Variants in COL23A1 observed in about 807,000 individuals in gnomAD.
The protein encoded by COL23A1 is collagen type XXIII alpha 1 chain.
COL23A1 carries 97 observed loss-of-function variants against 99.3 expected under a neutral mutation model. The observed-to-expected ratio is 0.98, with a 90% CI of 0.83 to 1.16. The LOEUF is 1.16. Ranked by LOEUF, COL23A1 falls within the 50% of genes most tolerant of loss-of-function variation. COL23A1 has a pLI of 0.00. For synonymous variants in COL23A1, 320 were observed against 308.2 expected, an observed-to-expected ratio of 1.04 and a Z score of -0.40; for missense variants, 762 against 757.4, an observed-to-expected ratio of 1.01 and a Z score of -0.07.
At chr5:178,570,112 C>CT (rs11374428) in intron 1 of COL23A1, among the ~76,000 whole-genome samples, 49,281 of 141,948 alleles carry the variant, frequency 0.35, 9,191 homozygotes, top group African/African-American at 0.51. Flanking sequence ...TTTTCTTTTT[C>CT]TTTTTTTTTT....
At chr5:178,359,258 T>C (rs1009006470) in intron 2 of COL23A1, among the ~76,000 whole-genome samples, 5 of 152,238 alleles carry the variant, frequency 3.3e-5, no homozygotes, top group African/African-American at 1.2e-4. Flanking sequence ...GTGCAGTGGC[T>C]CACGCCTGTA....
intron 1 of COL23A1, among the ~76,000 whole-genome samples, chr5:178,586,292 T>C (rs1220858001): frequency 1.3e-5 from 2 of 152,182 alleles, no homozygotes; most frequent in Admixed American, 1.3e-4. Flanking sequence ...TTTGCATACA[T>C]GGGAGCTGTG....
chr5:178,354,681 T>C (rs1761522815), intron 2 of COL23A1, among the ~76,000 whole-genome samples: 1 of 152,166 alleles, frequency 6.6e-6, no homozygotes, highest in Non-Finnish European at 1.5e-5. Context: ...TCCACCATGA[T>C]TGTAAGTTTC....
chr5:178,518,311 C>G (rs529278203), intron 2 of COL23A1, among the ~76,000 whole-genome samples: 2 of 149,414 alleles, frequency 1.3e-5, no homozygotes, highest in Non-Finnish European at 3.0e-5. Context: ...TACACAGACA[C>G]GGCAACCATC....
intron 5 of COL23A1, among the ~76,000 whole-genome samples, chr5:178,283,664 C>T (rs950423418): frequency 1.3e-4 from 20 of 152,072 alleles, no homozygotes; most frequent in Non-Finnish European, 1.8e-4. Context: ...AATCAAACTA[C>T]CAAAGAAGAG....
rs539266475 is a variant in COL23A1, at chr5:178,468,099, C to A, written c.361+92583G>T. On this transcript the variant is annotated intron_variant, in intron 2 of 28. Transcript: ENST00000390654. This position sits in a 1 kb window ranked among gnomAD's most constrained non-coding sequence, Gnocchi z 4.2. ...GTGTTCCTTATGTTGGGAGTGGTTT[C>A]CATAGCTGGAAAAGATGGTGAGAAA... Among the ~76,000 whole-genome samples the A allele has an allele frequency of 2.0e-5, 3 of 152,280 alleles. No homozygotes were observed. In the South Asian group the frequency reaches 6.2e-4, roughly 32 times the overall value.
chr5:178,492,974 G>A (rs1040763062), intron 2 of COL23A1, among the ~76,000 whole-genome samples: 9 of 152,214 alleles, frequency 5.9e-5, no homozygotes, highest in Non-Finnish European at 5.9e-5. Flanking sequence ...TCTAGAAAGT[G>A]CCTGGCCCTT....
chr5:178,367,394 T>C (rs1274075738), intron 2 of COL23A1, among the ~76,000 whole-genome samples: 2 of 152,122 alleles, frequency 1.3e-5, no homozygotes, highest in Non-Finnish European at 2.9e-5. Flanking sequence ...CAAGGTCCCA[T>C]GGAAGGTGGA....
chr5:178,505,981 C>A (rs557588488), intron 2 of COL23A1, among the ~76,000 whole-genome samples: 2,672 of 152,252 alleles, frequency 0.018, 82 homozygotes, highest in African/African-American at 0.061. Context: ...GTAAACCAGC[C>A]CCCCAAGTCC....
At chr5:178,275,694 C>T (rs772727270) in intron 5 of COL23A1, among the ~76,000 whole-genome samples, 8 of 152,200 alleles carry the variant, frequency 5.3e-5, no homozygotes, top group Middle Eastern at 3.4e-3. Flanking sequence ...CCAATCTGAA[C>T]GTAAAAAACT....
intron 12 of COL23A1, among the ~76,000 whole-genome samples, chr5:178,258,284 G>A (rs1477909162): frequency 8.4e-6 from 1 of 118,980 alleles, no homozygotes; most frequent in Admixed American, 9.0e-5. Context: ...TCAATTCTAG[G>A]CACCATGTCA....
intron 21 of COL23A1, 36 bp from the exon 22 acceptor site, chr5:178,247,588 C>T (rs72819017): frequency 0.17 from 269,517 of 1,611,962 alleles, 24,814 homozygotes; most frequent in Non-Finnish European, 0.19. Context: ...AGGCTGGCTC[C>T]GGACCCTCTT....
At chr5:178,510,328 G>A (rs1193469109) in intron 2 of COL23A1, among the ~76,000 whole-genome samples, 2 of 152,152 alleles carry the variant, frequency 1.3e-5, no homozygotes, top group Non-Finnish European at 2.9e-5. Context: ...GATCACTTGA[G>A]GTCAGGAGTT....
rs898196468 is a variant in COL23A1 at position 178,280,460 on chromosome 5, C to T, written c.441+7864G>A. 6.6e-6 allele frequency among the ~76,000 whole-genome samples: 1 copy of T among 152,156 alleles called. No homozygotes were observed. Among genetic ancestry groups the T allele is most frequent in the Non-Finnish European group, 1.5e-5 (1 of 68,022 alleles). On this transcript the variant is annotated intron_variant, in intron 5 of 28. Coordinates refer to ENST00000390654, the MANE Select transcript of COL23A1 (RefSeq NM_173465.4). The surrounding 1 kb of genome is among the most constrained non-coding windows in gnomAD (Gnocchi z 4.9). ...GCCTGAGGCCACATGGACTATAGAC[C>T]CCTGGGCCCATTCTGTCTCCACTGC...
At chr5:178,486,349 T>C (rs1454983741) in intron 2 of COL23A1, among the ~76,000 whole-genome samples, 4 of 152,176 alleles carry the variant, frequency 2.6e-5, no homozygotes, top group Non-Finnish European at 5.9e-5. Context: ...GGCTTAGTAC[T>C]CTTGAGGCAA....
intron 2 of COL23A1, among the ~76,000 whole-genome samples, chr5:178,512,679 T>C (rs1759276139): frequency 6.6e-6 from 1 of 152,186 alleles, no homozygotes; most frequent in Non-Finnish European, 1.5e-5. Flanking sequence ...TGAGGCTGGA[T>C]AGGTGCAGAA....
intron 2 of COL23A1, among the ~76,000 whole-genome samples, chr5:178,459,816 A>C (rs1163649747): frequency 6.6e-6 from 1 of 152,134 alleles, no homozygotes; most frequent in African/African-American, 2.4e-5. Flanking sequence ...TTTTTTCCCT[A>C]AACAATTTAA....
chr5:178,270,362 C>T lies in COL23A1; in HGVS notation c.443G>A (p.Gly148Glu). Residue 148 changes from glycine to glutamate, a missense_variant and splice_region_variant, in exon 6 of 29, where the codon GGA (glycine) becomes GAA (glutamate). Coordinates refer to ENST00000390654, the MANE Select transcript of COL23A1 (RefSeq NM_173465.4). ...PGQSGRDGYPGPLGLDGKPGL... is the reference protein window; with the variant it reads ...PGQSGRDGYPEPLGLDGKPGL... ...GGGCTTGCCATCCAAACCCAGGGGT[C>T]CCTGGAAAACGAGAGAGAGAGAACA... 1 of 1,613,878 alleles carries T rather than the reference C, an allele frequency of 6.2e-7. No homozygotes were observed. Among genetic ancestry groups the T allele is most frequent in the Non-Finnish European group, 8.5e-7 (1 of 1,179,942 alleles).
At chr5:178,580,440 G>T (rs369310491) in intron 1 of COL23A1, among the ~76,000 whole-genome samples, 1 of 150,324 alleles carries the variant, frequency 6.7e-6, no homozygotes, top group Non-Finnish European at 1.5e-5. Context: ...ACGCCGACAC[G>T]TGACTTTCAG....
Sources: gnomAD v4.1 joint callset for allele counts (sites outside exome capture counted in the v4.1 genomes callset) on GRCh38, gnomAD v4.1.1 for gene constraint, Gnocchi (gnomAD v3.1) non-coding constraint, MANE v1.5 for transcripts, NCBI Gene and HGNC (gene_info 2026-07-23, HGNC 2026-07-21) for gene names.